ACBD6: variants seen among roughly 807,000 people sequenced by gnomAD.
ACBD6 encodes the protein acyl-CoA binding domain containing 6, also known as acyl-CoA-binding domain-containing protein 6.
A neutral mutation model predicts 37.2 loss-of-function variants in ACBD6; 28 were observed. The ratio of observed to expected loss-of-function variants is 0.75; its 90% CI spans 0.56 to 1.03. The LOEUF is 1.03. Ranked by LOEUF, ACBD6 falls within the 50% of genes least tolerant of loss-of-function variation. The pLI is 0.00. For synonymous variants in ACBD6, 113 were observed against 126.8 expected (o/e 0.89, Z 0.73); for missense variants, 340 against 337.4 (o/e 1.01, Z -0.06).
chr1:180,469,027 T>G (rs537387723), intron 3 of ACBD6, among the ~76,000 whole-genome samples: 1 of 152,354 alleles, frequency 6.6e-6, no homozygotes, highest in Middle Eastern at 3.4e-3. Flanking sequence ...GTGCTCAAAT[T>G]TATTTTATTA....
At chr1:180,335,470 T>C (rs559641737) in intron 6 of ACBD6, among the ~76,000 whole-genome samples, 24 of 152,222 alleles carry the variant, frequency 1.6e-4, no homozygotes, top group South Asian at 6.2e-4. Context: ...CTGAGAGATT[T>C]TGTCACCACC....
intron 6 of ACBD6, among the ~76,000 whole-genome samples, chr1:180,334,493 C>T (rs1189782539): frequency 6.6e-6 from 1 of 152,110 alleles, no homozygotes; most frequent in Non-Finnish European, 1.5e-5. Context: ...AGGACACCCA[C>T]ACCAAAACCC....
intron 3 of ACBD6, among the ~76,000 whole-genome samples, chr1:180,440,704 C>T (rs1649247418): frequency 6.6e-6 from 1 of 151,858 alleles, no homozygotes; most frequent in South Asian, 2.1e-4. Flanking sequence ...GCAGTCACTC[C>T]CCATTCCCCT....
chr1:180,440,356 A>G (rs1649231492), intron 3 of ACBD6, among the ~76,000 whole-genome samples: 1 of 152,122 alleles, frequency 6.6e-6, no homozygotes, highest in Admixed American at 6.5e-5. Context: ...TGATCTGCCC[A>G]TCTCAGCCTC....
At chr1:180,401,845 T>C (rs1265038103) in intron 5 of ACBD6, among the ~76,000 whole-genome samples, 1 of 151,170 alleles carries the variant, frequency 6.6e-6, no homozygotes, top group African/African-American at 2.4e-5. Context: ...GGAGATTCTA[T>C]TATAAAATGA....
chr1:180,351,495 C>A (rs1332890970), intron 6 of ACBD6, among the ~76,000 whole-genome samples: 1 of 151,210 alleles, frequency 6.6e-6, no homozygotes, highest in Non-Finnish European at 1.5e-5. Context: ...CCATGATGGT[C>A]TCGATCTGAC....
intron 4 of ACBD6, among the ~76,000 whole-genome samples, chr1:180,428,853 T>C (rs1267911009): frequency 1.3e-5 from 2 of 152,174 alleles, no homozygotes; most frequent in African/African-American, 4.8e-5. Flanking sequence ...AAATAGCCTA[T>C]ACATTTTTTA....
chr1:180,362,882 A>C (rs1421604685), intron 6 of ACBD6, among the ~76,000 whole-genome samples: 2 of 152,230 alleles, frequency 1.3e-5, no homozygotes, highest in African/African-American at 4.8e-5. Context: ...CCATTGGCTT[A>C]ACTTCATCAC....
chr1:180,297,728 A>C (rs1649979595), intron 7 of ACBD6, among the ~76,000 whole-genome samples: 1 of 152,172 alleles, frequency 6.6e-6, no homozygotes, highest in African/African-American at 2.4e-5. Context: ...ATTGCCTCCC[A>C]AAATAATTTT....
At chr1:180,361,310 G>A (rs1482696059) in intron 6 of ACBD6, among the ~76,000 whole-genome samples, 2 of 128,480 alleles carry the variant, frequency 1.6e-5, no homozygotes, top group Non-Finnish European at 3.2e-5. Context: ...GCTTAGATAT[G>A]CTTAGGCTTC....
Position 180,383,640 on chromosome 1 carries a change from C to T in ACBD6, c.663+13876G>A, listed in dbSNP as rs74814574. Among the ~76,000 whole-genome samples the T allele has an allele frequency of 3.3e-3, 505 of 152,166 alleles. 1 individual carries two copies. The highest frequency in any genetic ancestry group is 0.011 in the African/African-American group (466 of 41,530). On this transcript the variant is annotated intron_variant, in intron 6 of 7. Transcript: ENST00000367595. ...AATGCAACCCCTATCAAAATATTGA[C>T]GTCATTTTTCACAGAAATAGAAAAA... is the stretch of plus-strand genomic sequence containing the variant.
chr1:180,275,212 T>C (rs573620688), exon 10 of ACBD6: 6 of 152,366 alleles, frequency 3.9e-5, no homozygotes, highest in African/African-American at 1.4e-4. Context: ...GAACCTGTTT[T>C]GGTTTTTAAG....
intron 7 of ACBD6, among the ~76,000 whole-genome samples, chr1:180,305,742 C>G (rs1402205512): frequency 6.6e-6 from 1 of 152,160 alleles, no homozygotes; most frequent in Non-Finnish European, 1.5e-5. Context: ...CCCAGCCATT[C>G]CATTACTGGG....
chr1:180,375,074 A>T (rs1653385339), intron 6 of ACBD6, among the ~76,000 whole-genome samples: 1 of 152,184 alleles, frequency 6.6e-6, no homozygotes, highest in Non-Finnish European at 1.5e-5. Context: ...AATACCAATA[A>T]GCTATTTTAT....
At chr1:180,403,108 C>CAT (rs1647450282) in intron 5 of ACBD6, among the ~76,000 whole-genome samples, 1 of 152,166 alleles carries the variant, frequency 6.6e-6, no homozygotes, top group Middle Eastern at 3.4e-3. Flanking sequence ...TGTATAATCC[C>CAT]ATATATATAA....
chr1:180,420,685 A>G (rs1648322755), intron 4 of ACBD6, among the ~76,000 whole-genome samples: 4 of 152,206 alleles, frequency 2.6e-5, no homozygotes, highest in Admixed American at 2.6e-4. Flanking sequence ...GACTTCAGGG[A>G]AAAAGAATCA....
chr1:180,426,181 G>C (rs566966987), intron 4 of ACBD6, among the ~76,000 whole-genome samples: 3 of 152,218 alleles, frequency 2.0e-5, no homozygotes, highest in African/African-American at 7.2e-5. Context: ...GCTTAGAGAA[G>C]GTCCAGATGG....
chr1:180,326,461 T>G (rs1290609905), intron 6 of ACBD6: 1 of 152,080 alleles, frequency 6.6e-6, no homozygotes, highest in Non-Finnish European at 1.5e-5. Flanking sequence ...CAGAAGGCTA[T>G]CCAAGGCTTG....
chr1:180,330,756 C>T (rs953532988), intron 6 of ACBD6, among the ~76,000 whole-genome samples: 3 of 152,214 alleles, frequency 2.0e-5, no homozygotes, highest in Admixed American at 2.0e-4. Context: ...ACTACATTTA[C>T]TTTAACATCA....
Sources: gnomAD v4.1 joint callset for allele counts (sites outside exome capture counted in the v4.1 genomes callset) on GRCh38, gnomAD v4.1.1 for gene constraint, MANE v1.5 for transcripts, NCBI Gene and HGNC (gene_info 2026-07-23, HGNC 2026-07-21) for gene names.